The following DCC variants were observed in gnomAD, a reference collection of about 807,000 sequenced individuals.
DCC encodes DCC netrin 1 receptor, also known as netrin receptor DCC.
A neutral mutation model predicts 172.5 loss-of-function variants in DCC; 58 were observed. That is an observed-to-expected ratio of 0.34 (90% confidence interval 0.27 to 0.42). The LOEUF (loss-of-function observed/expected upper bound fraction) is 0.42. Ranked by LOEUF, DCC falls within the 10% of genes least tolerant of loss-of-function variation. DCC has a pLI of 1.00. For synonymous variants in DCC, 709 were observed against 644.5 expected, an observed-to-expected ratio of 1.10 and a Z score of -1.52; for missense variants, 1,740 against 1,791.0, an observed-to-expected ratio of 0.97 and a Z score of 0.51.
chr18:53,338,259 A>G (rs1012718300), intron 14 of DCC, among the ~76,000 whole-genome samples: 3 of 152,186 alleles, frequency 2.0e-5, no homozygotes, highest in Non-Finnish European at 2.9e-5. Flanking sequence ...TGTATCCTGA[A>G]CATTACAGGC....
chr18:52,869,293 C>T (rs2039280326), intron 2 of DCC, among the ~76,000 whole-genome samples: 1 of 152,202 alleles, frequency 6.6e-6, no homozygotes, highest in Non-Finnish European at 1.5e-5. Flanking sequence ...CAGTAGGCAG[C>T]TCCTCTTTGT....
At chr18:52,583,451 T>A (rs1392031206) in intron 1 of DCC, among the ~76,000 whole-genome samples, 4 of 152,224 alleles carry the variant, frequency 2.6e-5, no homozygotes, top group African/African-American at 9.6e-5. Flanking sequence ...ACTTTTATAC[T>A]TTTCTAGTAA....
chr18:53,334,620 C>CT (rs1343134553), intron 14 of DCC, among the ~76,000 whole-genome samples: 1 of 152,154 alleles, frequency 6.6e-6, no homozygotes, highest in Non-Finnish European at 1.5e-5. Context: ...CCACCATTCT[C>CT]TTTTCTGTCT....
At chr18:53,480,880 T>C (rs1001253758) in intron 25 of DCC, 12 of 152,168 alleles carry the variant, frequency 7.9e-5, no homozygotes, top group African/African-American at 2.7e-4. Flanking sequence ...GAGAATCAGG[T>C]ATCTAAGAGC....
rs2046517914 is a variant in DCC at position 53,530,830 on chromosome 18, A to G, written c.*177A>G. ...AAGGAATAAGCATTCCTTCTTTCACAGGCATCAGGAATTGTCAAATGATGA... is the reference window on the plus strand; with the variant it reads ...AAGGAATAAGCATTCCTTCTTTCACGGGCATCAGGAATTGTCAAATGATGA... On this transcript the variant is annotated 3_prime_UTR_variant, in exon 29 of 29. Transcript: ENST00000442544. 3.0e-6 allele frequency: 2 copies of G among 669,072 alleles called. No individual in the cohort carries two copies. The highest frequency in any genetic ancestry group is 3.2e-5 in the South Asian group (2 of 62,856). The allele number at this position is 669,072 out of a possible 1,614,324, so 41.4% of individuals were successfully genotyped here. A position where few individuals can be genotyped will look rare whatever the true frequency, so the allele number is the denominator to read the frequency against.
intron 1 of DCC, among the ~76,000 whole-genome samples, chr18:52,653,612 A>G (rs1049773244): frequency 3.3e-5 from 5 of 152,224 alleles, no homozygotes; most frequent in African/African-American, 4.8e-5. Context: ...AGAGGAGAGG[A>G]CATAAAATCT....
chr18:52,992,992 A>G (rs1010194755), intron 5 of DCC, among the ~76,000 whole-genome samples: 1 of 152,066 alleles, frequency 6.6e-6, no homozygotes, highest in Non-Finnish European at 1.5e-5. Flanking sequence ...TTTAAAAAAA[A>G]AAAAAAAAAC....
At chr18:53,278,194 C>T (rs2056828876) in intron 12 of DCC, among the ~76,000 whole-genome samples, 1 of 151,940 alleles carries the variant, frequency 6.6e-6, no homozygotes, top group Non-Finnish European at 1.5e-5. Flanking sequence ...AATAATTAAC[C>T]TCATGGTGCT....
intron 7 of DCC, among the ~76,000 whole-genome samples, chr18:53,094,498 C>T (rs983522618): frequency 6.6e-6 from 1 of 152,154 alleles, no homozygotes. Context: ...CAACACATCA[C>T]GAGGTTGTCA....
At chr18:52,946,409 G>A (rs185326386) in intron 5 of DCC, among the ~76,000 whole-genome samples, 2 of 152,176 alleles carry the variant, frequency 1.3e-5, no homozygotes, top group African/African-American at 2.4e-5. Context: ...GTACTACGTA[G>A]GTATTGCCGC....
intron 5 of DCC, among the ~76,000 whole-genome samples, chr18:52,999,709 G>A (rs371145794): frequency 6.6e-6 from 1 of 152,062 alleles, no homozygotes; most frequent in Non-Finnish European, 1.5e-5. Context: ...ATTTAGGAGA[G>A]AGACTTCATA....
chr18:52,383,845 A>C (rs917799526), intron 1 of DCC, among the ~76,000 whole-genome samples: 5 of 152,006 alleles, frequency 3.3e-5, no homozygotes, highest in African/African-American at 1.2e-4. Context: ...TTACCACAGA[A>C]ATTTTCATTC....
At chr18:52,591,671 C>A (rs1249418759) in intron 1 of DCC, among the ~76,000 whole-genome samples, 1 of 152,084 alleles carries the variant, frequency 6.6e-6, no homozygotes. Flanking sequence ...CAACCTCGAT[C>A]TCCTGGGCTC....
chr18:53,211,553 C>A (rs1403694936), intron 11 of DCC, among the ~76,000 whole-genome samples: 1 of 152,056 alleles, frequency 6.6e-6, no homozygotes, highest in African/African-American at 2.4e-5. Flanking sequence ...GAAACCCACT[C>A]TCTACTAAAA....
chr18:52,681,478 A>G (rs749253893), intron 1 of DCC, among the ~76,000 whole-genome samples: 29 of 152,120 alleles, frequency 1.9e-4, no homozygotes, highest in Non-Finnish European at 3.5e-4. Context: ...TAGGGATAAC[A>G]TTAGGCAAAA....
intron 1 of DCC, among the ~76,000 whole-genome samples, chr18:52,703,304 C>T (rs936354466): frequency 2.6e-5 from 4 of 152,260 alleles, no homozygotes; most frequent in East Asian, 3.9e-4. Flanking sequence ...CCTTCTTGGA[C>T]GGAAAAGGCT....
At chr18:53,100,507 A>G (rs564848597) in intron 7 of DCC, among the ~76,000 whole-genome samples, 10 of 152,142 alleles carry the variant, frequency 6.6e-5, no homozygotes, top group Non-Finnish European at 1.5e-4. Flanking sequence ...CAGAAAAAGG[A>G]GAACGAGGAC....
At chr18:53,113,723 T>A (rs992196314) in intron 7 of DCC, among the ~76,000 whole-genome samples, 4 of 146,916 alleles carry the variant, frequency 2.7e-5, no homozygotes, top group Non-Finnish European at 4.5e-5. Context: ...CTTTTTTTTT[T>A]AAGAAATAGT....
At chr18:53,238,367 G>T (rs2056235307) in intron 12 of DCC, among the ~76,000 whole-genome samples, 1 of 152,026 alleles carries the variant, frequency 6.6e-6, no homozygotes, top group African/African-American at 2.4e-5. Flanking sequence ...AACTATTTTA[G>T]AAATATGTTC....
Sources: gnomAD v4.1 joint callset for allele counts (sites outside exome capture counted in the v4.1 genomes callset) on GRCh38, gnomAD v4.1.1 for gene constraint, MANE v1.5 for transcripts, NCBI Gene and HGNC (gene_info 2026-07-23, HGNC 2026-07-21) for gene names.